PPP4R2: variants seen among roughly 807,000 people sequenced by gnomAD.
PPP4R2 encodes protein phosphatase 4 regulatory subunit 2.
In PPP4R2, 13 loss-of-function variants were observed where a neutral mutation model predicts 47.2. The observed-to-expected ratio is 0.28, with a 90% confidence interval of 0.18 to 0.44. PPP4R2 has a LOEUF of 0.44. PPP4R2 is among the 20% of genes least tolerant of loss of function. PPP4R2 has a pLI of 1.00. For missense variants in PPP4R2, 421 were observed against 491.2 expected, an observed-to-expected ratio of 0.86 and a Z score of 1.35; for synonymous variants, 151 against 163.3, an observed-to-expected ratio of 0.92 and a Z score of 0.57.
intron 2 of PPP4R2, among the ~76,000 whole-genome samples, chr3:73,020,421 G>C (rs1478537002): frequency 6.6e-6 from 1 of 152,122 alleles, no homozygotes; most frequent in Non-Finnish European, 1.5e-5. Flanking sequence ...CAACACTTTG[G>C]GAGGCAGAGT....
chr3:73,012,327 TC>T (rs892538315), intron 2 of PPP4R2, among the ~76,000 whole-genome samples: 5 of 151,920 alleles, frequency 3.3e-5, no homozygotes, highest in African/African-American at 1.2e-4. Context: ...TGAGACGGAG[TC>T]TTGCTCTGTC....
intron 2 of PPP4R2, among the ~76,000 whole-genome samples, chr3:73,038,155 G>A (rs1211026222): frequency 1.3e-5 from 2 of 152,164 alleles, no homozygotes; most frequent in African/African-American, 2.4e-5. Context: ...AAAAGCAGGA[G>A]CAAAAGTGGT....
chr3:73,060,620 G>A (rs1702834624), intron 4 of PPP4R2, among the ~76,000 whole-genome samples: 1 of 152,124 alleles, frequency 6.6e-6, no homozygotes, highest in Non-Finnish European at 1.5e-5. Flanking sequence ...GATATATGAT[G>A]CAACACAACA....
rs553069743 is a variant in PPP4R2 at position 73,064,477 on chromosome 3, A to G, written c.638+331A>G. The stretch of plus-strand genomic sequence containing the variant: ...ATTTTTGTGAGTCGTTTCTCATTGT[A>G]GTTCATAAAAGGACACCTTTTGTTT... On this transcript the variant is annotated intron_variant, in intron 7 of 8. Coordinates refer to ENST00000356692, the MANE Select transcript of PPP4R2 (RefSeq NM_174907.4). 2.6e-5 allele frequency among the ~76,000 whole-genome samples: 4 copies of G among 152,302 alleles called. No homozygotes were observed. The East Asian group carries it at 7.7e-4, about 29-fold the overall frequency.
intron 2 of PPP4R2, among the ~76,000 whole-genome samples, chr3:73,036,228 G>T (rs1349814965): frequency 6.6e-6 from 1 of 152,118 alleles, no homozygotes; most frequent in Non-Finnish European, 1.5e-5. Context: ...GTAGAATGAG[G>T]GTTATCAGAG....
chr3:73,058,356 A>G (rs1702770447), intron 3 of PPP4R2, among the ~76,000 whole-genome samples: 1 of 152,134 alleles, frequency 6.6e-6, no homozygotes, highest in African/African-American at 2.4e-5. Flanking sequence ...GGAAAAATAC[A>G]TATATTAAAT....
At position 72,998,120 on chromosome 3, in the gene PPP4R2, T is replaced by C. The variant is rs1701388940; in HGVS notation, c.78T>C (p.Asp26=). Residue 26 remains aspartate (D), a synonymous_variant, in exon 2 of 9, where the codon GAT becomes GAC. Coordinates refer to ENST00000356692, the MANE Select transcript of PPP4R2 (RefSeq NM_174907.4). The part of the protein sequence containing the change: ...RGKKEVCPVL[D]QFLCHVAKTG... Reference sequence around the variant, plus strand: ...AAAAGGAAGTTTGTCCTGTCCTGGATCAGTTTCTTTGTCATGTAGCCAAGA... The same window carrying C: ...AAAAGGAAGTTTGTCCTGTCCTGGACCAGTTTCTTTGTCATGTAGCCAAGA... 2 of 1,609,084 alleles carry C rather than the reference T, an allele frequency of 1.2e-6. No homozygotes were observed. Among genetic ancestry groups the C allele is most frequent in the African/African-American group, 2.7e-5 (2 of 74,574 alleles).
At chr3:73,062,352 T>C (rs779718379) in intron 5 of PPP4R2, 1 of 1,607,380 alleles carries the variant, frequency 6.2e-7, no homozygotes, top group Non-Finnish European at 8.5e-7. Flanking sequence ...ACTGGATGCA[T>C]TGGAACCCCA....
chr3:73,022,645 G>C (rs181808792), intron 2 of PPP4R2, among the ~76,000 whole-genome samples: 1 of 152,076 alleles, frequency 6.6e-6, no homozygotes, highest in Admixed American at 6.5e-5. Context: ...TAATATCTTT[G>C]CTACCAAGTT....
intron 2 of PPP4R2, among the ~76,000 whole-genome samples, chr3:73,020,694 T>TA (rs1227598415): frequency 7.5e-6 from 1 of 134,002 alleles, no homozygotes; most frequent in Non-Finnish European, 1.6e-5. Context: ...AAAAAAAAGT[T>TA]AAAAAACTTT....
rs1212320306 is a variant in PPP4R2 at position 73,067,496 on chromosome 3, A to G, written c.*1774A>G. 4 of 152,318 alleles carry G rather than the reference A, an allele frequency of 2.6e-5. No individual in the cohort carries two copies. The highest frequency in any genetic ancestry group is 2.0e-4 in the Admixed American group (3 of 15,308). The allele number at this position is 152,318 out of a possible 1,614,324, so 9.4% of individuals were successfully genotyped here. On this transcript the variant is annotated 3_prime_UTR_variant, in exon 9 of 9. Coordinates refer to ENST00000356692, the MANE Select transcript of PPP4R2 (RefSeq NM_174907.4). ...TTTATGACTATGTCTAATAGTTGAA[A>G]TAAAATCTGAATATTGATTTACTAT...
intron 2 of PPP4R2, among the ~76,000 whole-genome samples, chr3:73,024,971 T>C (rs1014107629): frequency 6.6e-6 from 1 of 152,092 alleles, no homozygotes; most frequent in African/African-American, 2.4e-5. Flanking sequence ...GCAGCAGAAG[T>C]TGTTAGACTT....
chr3:73,028,117 C>T (rs918940370), intron 2 of PPP4R2, among the ~76,000 whole-genome samples: 11 of 151,428 alleles, frequency 7.3e-5, no homozygotes, highest in South Asian at 2.1e-4. Context: ...ATTAGCCAGG[C>T]GTGGTGGCAC....
chr3:73,044,546 A>T (rs959390001), intron 2 of PPP4R2, among the ~76,000 whole-genome samples: 1 of 152,200 alleles, frequency 6.6e-6, no homozygotes. Context: ...AGGTTGCACC[A>T]CCACTCTCCA....
intron 2 of PPP4R2, among the ~76,000 whole-genome samples, chr3:73,034,839 T>C (rs1245881387): frequency 8.1e-6 from 1 of 124,104 alleles, no homozygotes; most frequent in East Asian, 2.3e-4. Context: ...GGCCCTAGTT[T>C]TGTTCTTAAA....
At chr3:72,997,162 C>A in intron 1 of PPP4R2, 91 bp downstream of exon 1, 1 of 1,091,720 alleles carries the variant, frequency 9.2e-7, no homozygotes, top group Non-Finnish European at 1.2e-6. Context: ...GGACCGGGGC[C>A]GGGCGCGGCG....
intron 2 of PPP4R2, among the ~76,000 whole-genome samples, chr3:73,025,583 T>G (rs929585479): frequency 6.6e-6 from 1 of 152,202 alleles, no homozygotes; most frequent in Non-Finnish European, 1.5e-5. Flanking sequence ...TTAAAAAGTT[T>G]ATTTCTGACA....
At chr3:73,036,802 A>T (rs1474484024) in intron 2 of PPP4R2, among the ~76,000 whole-genome samples, 4 of 152,224 alleles carry the variant, frequency 2.6e-5, no homozygotes, top group African/African-American at 4.8e-5. Context: ...TTAAAGTAGC[A>T]GTGAAAGTAA....
chr3:73,038,337 G>A (rs1002483809), intron 2 of PPP4R2, among the ~76,000 whole-genome samples: 2 of 152,042 alleles, frequency 1.3e-5, no homozygotes, highest in African/African-American at 4.8e-5. Flanking sequence ...GTCTATGTTG[G>A]TATAGTAATA....
Sources: allele counts gnomAD v4.1 joint callset (sites outside exome capture counted in the v4.1 genomes callset), GRCh38; gene constraint gnomAD v4.1.1; transcripts MANE v1.5; gene names NCBI Gene and HGNC (gene_info 2026-07-23, HGNC 2026-07-21).